SBNO2: variants seen among roughly 807,000 people sequenced by gnomAD.
SBNO2 encodes protein strawberry notch homolog 2.
In SBNO2, 89 loss-of-function variants were observed where a neutral mutation model predicts 146.3. The observed-to-expected ratio is 0.61, with a 90% CI of 0.51 to 0.73. SBNO2 has a LOEUF of 0.73. Ranked by LOEUF, SBNO2 falls within the 30% of genes least tolerant of loss-of-function variation. SBNO2 has a pLI of 0.00. For missense variants in SBNO2, 2,092 were observed against 2,003.7 expected (o/e 1.04, Z -0.84); for synonymous variants, 1,147 against 892.6 (o/e 1.29, Z -5.08).
chr19:1,118,315 G>A (rs1233128524), intron 14 of SBNO2, among the ~76,000 whole-genome samples: 1 of 151,966 alleles, frequency 6.6e-6, no homozygotes, highest in Non-Finnish European at 1.5e-5. Flanking sequence ...TCCAGCCTGG[G>A]CAACAAGAGT....
chr19:1,123,653 G>A lies in SBNO2; in HGVS notation c.523-14C>T, dbSNP rs4807570. On this transcript the variant is annotated splice_polypyrimidine_tract_variant and intron_variant, in intron 6 of 31. Transcript: ENST00000361757. ...CACACTCTGCTCCTGCGTGCGTGGC[G>A]GGAGCTCAGCGGAGACTGCAGGCCT... The A allele has an allele frequency of 0.22, 351,493 of 1,601,984 alleles. 40,250 individuals are homozygous for A. Among genetic ancestry groups the A allele is most frequent in the Admixed American group, 0.36 (21,036 of 58,752 alleles).
chr19:1,147,748 G>A (rs983938967), intron 3 of SBNO2, among the ~76,000 whole-genome samples: 2 of 152,040 alleles, frequency 1.3e-5, no homozygotes, highest in East Asian at 1.9e-4. Flanking sequence ...TCATTCTGGC[G>A]ATTCAGAACC....
chr19:1,119,109 T>G lies in SBNO2; in HGVS notation c.1429A>C (p.Ile477Leu), dbSNP rs1418417831. ...CCGGAGAAGCTGAGCTGGCGTGCGA[T>G]GTACATGCCGCTGACCTTCATGTCC... ...AMDMKVSGMY[I>L]ARQLSFSGVT... Residue 477 changes from isoleucine to leucine, a missense_variant, in exon 14 of 32, where the codon ATC becomes CTC. Physicochemically the swap from Ile to Leu is conservative, Grantham distance 5. Coordinates refer to ENST00000361757, the MANE Select transcript of SBNO2 (RefSeq NM_014963.3). 6.2e-7 allele frequency: 1 copy of G among 1,604,884 alleles called. No homozygotes were observed. The highest frequency in any genetic ancestry group is 1.7e-5 in the Admixed American group (1 of 59,232).
At chr19:1,123,136 G>C (rs1047744294) in intron 7 of SBNO2, 91 bp from the exon 8 acceptor site, 1 of 1,436,366 alleles carries the variant, frequency 7.0e-7, no homozygotes, top group Non-Finnish European at 9.4e-7. Flanking sequence ...CTGGGGCGTG[G>C]CCAGAGCTGG....
At chr19:1,139,586 C>T (rs902463015) in intron 4 of SBNO2, among the ~76,000 whole-genome samples, 5 of 151,918 alleles carry the variant, frequency 3.3e-5, no homozygotes, top group African/African-American at 9.7e-5. Context: ...CCTGAGATCA[C>T]GAGTTTGAGA....
At chr19:1,171,305 T>G (rs372805065) in intron 1 of SBNO2, among the ~76,000 whole-genome samples, 72 of 151,718 alleles carry the variant, frequency 4.7e-4, no homozygotes, top group Middle Eastern at 3.4e-3. Context: ...AGAATGCACG[T>G]GCGTACGTAC....
intron 1 of SBNO2, among the ~76,000 whole-genome samples, chr19:1,168,181 C>A (rs552650448): frequency 1.3e-3 from 194 of 152,320 alleles, no homozygotes; most frequent in African/African-American, 4.4e-3. Context: ...CAAGCATCCA[C>A]ACCCCCACCC....
intron 3 of SBNO2, among the ~76,000 whole-genome samples, chr19:1,148,192 T>C (rs1227417312): frequency 6.6e-6 from 1 of 151,882 alleles, no homozygotes; most frequent in Non-Finnish European, 1.5e-5. Context: ...GGCCTTGGGT[T>C]GGAGGCGGCC....
At position 1,150,913 on chromosome 19, in the gene SBNO2, T is replaced by C. The variant is rs2080236765; in HGVS notation, c.94-1471A>G. Among the ~76,000 whole-genome samples, 2 of 151,970 alleles carry C rather than the reference T, an allele frequency of 1.3e-5. No homozygotes were observed. The highest frequency in any genetic ancestry group is 4.1e-4 in the South Asian group (2 of 4,820). ...TGACCGCTGCCCCGCTCCTCCAGCT[T>C]TTGCATAAAATAAGTTTATCAGCAA... On this transcript the variant is annotated intron_variant, in intron 2 of 31. Coordinates refer to ENST00000361757, the MANE Select transcript of SBNO2 (RefSeq NM_014963.3). The surrounding 1 kb of genome is among the most constrained non-coding windows in gnomAD (Gnocchi z 6.2).
intron 1 of SBNO2, among the ~76,000 whole-genome samples, chr19:1,171,024 A>G (rs1367050421): frequency 6.6e-6 from 1 of 151,946 alleles, no homozygotes; most frequent in African/African-American, 2.4e-5. Context: ...CACACAAAAT[A>G]CAGACACACA....
rs866710640 is a variant in SBNO2, at chr19:1,144,442, A to G, written c.279+2867T>C. ...CGGGCGGTGCTCACAGAACCAGCAC[A>G]GTGGCCCCGAGGGCTCCGGGCTGAA... On this transcript the variant is annotated intron_variant, in intron 4 of 31. Transcript: ENST00000361757. This position sits in a 1 kb window ranked among gnomAD's most constrained non-coding sequence, Gnocchi z 4.1. Among the ~76,000 whole-genome samples, 2 of 152,214 alleles carry G rather than the reference A, an allele frequency of 1.3e-5. No homozygotes were observed. The highest frequency in any genetic ancestry group is 4.1e-4 in the South Asian group (2 of 4,836).
chr19:1,137,215 G>A (rs1183020440), intron 4 of SBNO2, among the ~76,000 whole-genome samples: 1 of 112,576 alleles, frequency 8.9e-6, no homozygotes, highest in Non-Finnish European at 1.8e-5. Context: ...GCACTGGGGT[G>A]CAGTGGAGGA....
intron 5 of SBNO2, among the ~76,000 whole-genome samples, chr19:1,127,140 G>A (rs2079974577): frequency 6.9e-6 from 1 of 144,562 alleles, no homozygotes; most frequent in South Asian, 2.1e-4. Flanking sequence ...CACCACAGGT[G>A]CTGTTCCTCT....
chr19:1,156,895 A>G (rs1014201842), intron 1 of SBNO2, among the ~76,000 whole-genome samples: 1 of 147,952 alleles, frequency 6.8e-6, no homozygotes, highest in African/African-American at 2.5e-5. Flanking sequence ...GGCTGTGCCC[A>G]CTCCTGAGAA....
chr19:1,172,651 G>A (rs1013406756), intron 1 of SBNO2, among the ~76,000 whole-genome samples: 1 of 152,184 alleles, frequency 6.6e-6, no homozygotes, highest in Non-Finnish European at 1.5e-5. Flanking sequence ...AAAGTTTGAA[G>A]CCTGTAATCC....
intron 1 of SBNO2, chr19:1,168,814 T>G (rs1038773083): frequency 6.6e-6 from 1 of 152,098 alleles, no homozygotes; most frequent in African/African-American, 2.4e-5. Flanking sequence ...CCCCAGCAAG[T>G]GAGTCAGTTC....
At chr19:1,142,464 G>C (rs1220374910) in intron 4 of SBNO2, among the ~76,000 whole-genome samples, 1 of 152,250 alleles carries the variant, frequency 6.6e-6, no homozygotes, top group Non-Finnish European at 1.5e-5. Flanking sequence ...CGGATCGCCT[G>C]AGGTCAGGAG....
intron 14 of SBNO2, among the ~76,000 whole-genome samples, chr19:1,118,776 G>T (rs977026852): frequency 6.6e-6 from 1 of 152,130 alleles, no homozygotes; most frequent in Non-Finnish European, 1.5e-5. Context: ...AGAGGCTGAG[G>T]GGGGAGAATC....
intron 2 of SBNO2, 61 bp downstream of exon 2, chr19:1,154,123 C>T (rs1365910871): frequency 2.0e-5 from 17 of 835,334 alleles, no homozygotes; most frequent in African/African-American, 7.1e-5. Flanking sequence ...CCCGGGCACT[C>T]GGAGCGGGGC....
Sources: allele counts gnomAD v4.1 joint callset (sites outside exome capture counted in the v4.1 genomes callset), GRCh38; gene constraint gnomAD v4.1.1; non-coding constraint Gnocchi (gnomAD v3.1); transcripts MANE v1.5; gene names NCBI Gene and HGNC (gene_info 2026-07-23, HGNC 2026-07-21).